The following CRACDL variants were observed in gnomAD, a reference collection of about 807,000 sequenced individuals.
The protein encoded by CRACDL is CRACD-like protein.
A neutral mutation model predicts 70.6 loss-of-function variants in CRACDL; 26 were observed. The ratio of observed to expected loss-of-function variants is 0.37; its 90% CI spans 0.27 to 0.51. The LOEUF is 0.51. Ranked by LOEUF, CRACDL falls within the 20% of genes least tolerant of loss-of-function variation. The pLI is 0.94. For synonymous variants in CRACDL, 618 were observed against 615.2 expected (o/e 1.00, Z -0.07); for missense variants, 1,283 against 1,376.9 (o/e 0.93, Z 1.08).
At chr2:98,836,954 G>C (rs1203139672) in intron 3 of CRACDL, among the ~76,000 whole-genome samples, 5 of 151,846 alleles carry the variant, frequency 3.3e-5, no homozygotes, top group Non-Finnish European at 5.9e-5. Context: ...GCGTGGTGGC[G>C]GGTGCCTGTA....
At chr2:98,905,118 C>T (rs1439270893) in intron 1 of CRACDL, among the ~76,000 whole-genome samples, 3 of 151,430 alleles carry the variant, frequency 2.0e-5, no homozygotes, top group African/African-American at 7.3e-5. Context: ...GGCATAGTGG[C>T]GGGTGCCTGT....
chr2:98,867,623 T>A lies in CRACDL; in HGVS notation c.-10-20813A>T, dbSNP rs540300022. Reference sequence around the variant, plus strand: ...AGACTTCATAGCCTTATTTTAGAAATTCTATTTGCATAATTCTTGGGAAGA... The same window carrying A: ...AGACTTCATAGCCTTATTTTAGAAAATCTATTTGCATAATTCTTGGGAAGA... On this transcript the variant is annotated intron_variant, in intron 1 of 9. Transcript: ENST00000397899. 2.0e-5 allele frequency among the ~76,000 whole-genome samples: 3 copies of A among 152,348 alleles called. No homozygotes were observed. The South Asian group carries it at 6.2e-4, about 32-fold the overall frequency.
At chr2:98,932,076 C>T (rs1465796024) in intron 1 of CRACDL, among the ~76,000 whole-genome samples, 1 of 152,186 alleles carries the variant, frequency 6.6e-6, no homozygotes, top group African/African-American at 2.4e-5. Flanking sequence ...TGAGAATTCT[C>T]CTGATTTCCG....
chr2:98,835,927 A>G (rs1250080318), intron 3 of CRACDL, among the ~76,000 whole-genome samples: 1 of 152,232 alleles, frequency 6.6e-6, no homozygotes, highest in Non-Finnish European at 1.5e-5. Flanking sequence ...CTGCTCAGAA[A>G]GCAGGTGACT....
chr2:98,918,663 T>C (rs1708727877), intron 1 of CRACDL, among the ~76,000 whole-genome samples: 1 of 152,114 alleles, frequency 6.6e-6, no homozygotes, highest in Non-Finnish European at 1.5e-5. Context: ...ATTGTGCTTT[T>C]AATTTGCATT....
intron 1 of CRACDL, among the ~76,000 whole-genome samples, chr2:98,909,875 G>T (rs926704252): frequency 3.9e-5 from 6 of 152,182 alleles, no homozygotes; most frequent in Non-Finnish European, 1.5e-5. Flanking sequence ...GAGTAGCTAC[G>T]GAAGCCAACA....
intron 1 of CRACDL, among the ~76,000 whole-genome samples, chr2:98,878,767 G>A (rs932051580): frequency 1.3e-5 from 2 of 152,158 alleles, no homozygotes; most frequent in African/African-American, 2.4e-5. Context: ...AGTGGCAAAC[G>A]CATGGCTGAC....
intron 7 of CRACDL, among the ~76,000 whole-genome samples, chr2:98,811,346 C>T (rs994431853): frequency 6.6e-6 from 1 of 151,442 alleles, no homozygotes; most frequent in Non-Finnish European, 1.5e-5. Flanking sequence ...CCTGTCTCTC[C>T]TAAAAATACA....
intron 1 of CRACDL, among the ~76,000 whole-genome samples, chr2:98,891,190 C>A (rs746676447): frequency 6.6e-6 from 1 of 151,076 alleles, no homozygotes; most frequent in African/African-American, 2.4e-5. Flanking sequence ...ACCAGCCTGG[C>A]CAACATGATG....
At chr2:98,877,224 A>G (rs1485607912) in intron 1 of CRACDL, among the ~76,000 whole-genome samples, 7 of 152,348 alleles carry the variant, frequency 4.6e-5, no homozygotes. Context: ...ACAAGCTCCT[A>G]AGCAGCTGAG....
chr2:98,833,057 G>A, intron 3 of CRACDL, 60 bp from the exon 4 acceptor site: 1 of 1,505,878 alleles, frequency 6.6e-7, no homozygotes, highest in Non-Finnish European at 9.0e-7. Flanking sequence ...CCCCTGGGGG[G>A]CTCAGAATGA....
chr2:98,894,919 A>G (rs1403176949), intron 1 of CRACDL, among the ~76,000 whole-genome samples: 1 of 152,150 alleles, frequency 6.6e-6, no homozygotes, highest in Non-Finnish European at 1.5e-5. Context: ...CAGCCTTGGC[A>G]ACATAGCAAG....
intron 5 of CRACDL, among the ~76,000 whole-genome samples, chr2:98,830,258 T>C (rs891228449): frequency 1.3e-5 from 2 of 152,236 alleles, no homozygotes; most frequent in Non-Finnish European, 2.9e-5. Flanking sequence ...ATATATTTCC[T>C]GAAAAACTTA....
chr2:98,872,672 C>A (rs1366697270), intron 1 of CRACDL, among the ~76,000 whole-genome samples: 1 of 152,230 alleles, frequency 6.6e-6, no homozygotes, highest in African/African-American at 2.4e-5. Context: ...GATTTTGCTT[C>A]AGTAAGCCTG....
chr2:98,817,972 A>AT (rs3215236), intron 7 of CRACDL, among the ~76,000 whole-genome samples: 32 of 151,720 alleles, frequency 2.1e-4, no homozygotes, highest in South Asian at 1.2e-3. Context: ...CCTAGGAGTG[A>AT]TTTTTTTTTC....
At chr2:98,928,215 A>G (rs1708981641) in intron 1 of CRACDL, among the ~76,000 whole-genome samples, 1 of 152,208 alleles carries the variant, frequency 6.6e-6, no homozygotes, top group African/African-American at 2.4e-5. Flanking sequence ...ATAAAAAAAA[A>G]TAAGACAGCT....
chr2:98,803,590 G>A (rs1559200824), intron 7 of CRACDL, among the ~76,000 whole-genome samples: 1 of 152,208 alleles, frequency 6.6e-6, no homozygotes, highest in Non-Finnish European at 1.5e-5. Context: ...GGAGCTGTGT[G>A]AACACTTCAT....
intron 1 of CRACDL, among the ~76,000 whole-genome samples, chr2:98,883,207 G>C (rs927108125): frequency 6.6e-6 from 1 of 152,222 alleles, no homozygotes; most frequent in African/African-American, 2.4e-5. Flanking sequence ...TGGGAGCAGG[G>C]GCGGGGTGCC....
intron 1 of CRACDL, among the ~76,000 whole-genome samples, chr2:98,930,968 A>G (rs1026107535): frequency 1.3e-5 from 2 of 150,508 alleles, no homozygotes; most frequent in South Asian, 2.1e-4. Flanking sequence ...GTGTGTGTCT[A>G]CCACCCCCCC....
Sources: allele counts gnomAD v4.1 joint callset (sites outside exome capture counted in the v4.1 genomes callset), GRCh38; gene constraint gnomAD v4.1.1; transcripts MANE v1.5; gene names NCBI Gene and HGNC (gene_info 2026-07-23, HGNC 2026-07-21).